ACOXL: variants seen among roughly 807,000 people sequenced by gnomAD.
ACOXL encodes acyl-coenzyme A oxidase-like protein.
A neutral mutation model predicts 71.9 loss-of-function variants in ACOXL; 70 were observed. That is an observed-to-expected ratio of 0.97 (90% confidence interval 0.80 to 1.19). ACOXL has a LOEUF of 1.19. Ranked by LOEUF, ACOXL falls within the 50% of genes most tolerant of loss-of-function variation. The pLI, the probability that ACOXL is intolerant of heterozygous loss-of-function variation, is 0.00. For synonymous variants in ACOXL, 253 were observed against 281.6 expected (o/e 0.90, Z 1.02); for missense variants, 703 against 736.3 (o/e 0.95, Z 0.52).
chr2:110,857,709 T>C (rs1335940213), intron 10 of ACOXL, among the ~76,000 whole-genome samples: 1 of 152,116 alleles, frequency 6.6e-6, no homozygotes, highest in African/African-American at 2.4e-5. Context: ...ATTTTTAACA[T>C]AGTTTTTGTT....
At chr2:110,845,519 C>T (rs1290835629) in intron 10 of ACOXL, among the ~76,000 whole-genome samples, 1 of 152,202 alleles carries the variant, frequency 6.6e-6, no homozygotes, top group Non-Finnish European at 1.5e-5. Context: ...ATCAACACCA[C>T]TGTCCATCTC....
At chr2:110,807,450 T>C (rs1203795132) in intron 9 of ACOXL, among the ~76,000 whole-genome samples, 2 of 152,210 alleles carry the variant, frequency 1.3e-5, no homozygotes, top group Non-Finnish European at 2.9e-5. Context: ...GACATGGGCA[T>C]TCCCATGAAA....
intron 11 of ACOXL, among the ~76,000 whole-genome samples, chr2:110,915,778 A>G (rs1342631161): frequency 6.6e-6 from 1 of 151,968 alleles, no homozygotes; most frequent in Non-Finnish European, 1.5e-5. Context: ...TGTTTTGATA[A>G]GGATTTTTTG....
At chr2:111,067,454 A>G (rs2067128245) in intron 16 of ACOXL, among the ~76,000 whole-genome samples, 1 of 152,196 alleles carries the variant, frequency 6.6e-6, no homozygotes, top group Non-Finnish European at 1.5e-5. Flanking sequence ...AGTAGGTTGG[A>G]TTTTTTAAAG....
At chr2:111,009,251 C>T (rs1253862101) in intron 14 of ACOXL, among the ~76,000 whole-genome samples, 4 of 152,026 alleles carry the variant, frequency 2.6e-5, no homozygotes, top group African/African-American at 7.2e-5. Context: ...TGGTGGCTCA[C>T]GTCTGTAATC....
intron 11 of ACOXL, 68 bp downstream of exon 11, chr2:110,908,973 A>C: frequency 8.7e-7 from 1 of 1,150,252 alleles, no homozygotes; most frequent in Admixed American, 2.2e-5. Context: ...AAGAATTCAG[A>C]GCAGCAGGCA....
At chr2:110,769,840 T>A (rs1681650202) in intron 2 of ACOXL, among the ~76,000 whole-genome samples, 1 of 147,234 alleles carries the variant, frequency 6.8e-6, no homozygotes, top group Non-Finnish European at 1.5e-5. Flanking sequence ...TCTCAAAAAA[T>A]AAAATAAAAT....
intron 12 of ACOXL, among the ~76,000 whole-genome samples, chr2:110,981,800 T>C (rs2062717527): frequency 6.6e-6 from 1 of 152,206 alleles, no homozygotes; most frequent in African/African-American, 2.4e-5. Flanking sequence ...GTGCATAGGC[T>C]GATCTCTCTA....
Position 110,987,101 on chromosome 2 carries a change from T to G in ACOXL, c.1060-7T>G, listed in dbSNP as rs1341829579. 1 of 1,560,694 alleles carries G rather than the reference T, an allele frequency of 6.4e-7. No homozygotes were observed. Among genetic ancestry groups the G allele is most frequent in the Non-Finnish European group, 8.7e-7 (1 of 1,150,210 alleles). ...TGAGACTGATGAGCGATAAACTCTT[T>G]GCACAGGTTGTGGGGCGGGAACTGC... On this transcript the variant is annotated splice_polypyrimidine_tract_variant and splice_region_variant and intron_variant, in intron 12 of 17. Coordinates refer to ENST00000439055, the MANE Select transcript of ACOXL (RefSeq NM_001142807.4).
intron 1 of ACOXL, among the ~76,000 whole-genome samples, chr2:110,741,440 T>C (rs930517493): frequency 6.6e-6 from 1 of 152,276 alleles, no homozygotes; most frequent in Non-Finnish European, 1.5e-5. Context: ...CTTCAAATTT[T>C]AGAAGGACAC....
chr2:110,923,844 G>A (rs987372465), intron 11 of ACOXL, among the ~76,000 whole-genome samples: 1 of 151,966 alleles, frequency 6.6e-6, no homozygotes, highest in Non-Finnish European at 1.5e-5. Context: ...GCTGAGGCAG[G>A]AGAATTGCTT....
At chr2:110,732,919 G>A (rs2104608569) in intron 1 of ACOXL, 145 bp downstream of exon 1, 1 of 152,376 alleles carries the variant, frequency 6.6e-6, no homozygotes, top group Non-Finnish European at 1.5e-5. Flanking sequence ...TCCCTGCCTC[G>A]CCGCAGGTGA....
intron 14 of ACOXL, among the ~76,000 whole-genome samples, chr2:110,997,346 G>A (rs201695720): frequency 6.6e-6 from 1 of 151,534 alleles, no homozygotes; most frequent in African/African-American, 2.4e-5. Flanking sequence ...TATGCTAACG[G>A]AAAAAAAAGA....
intron 9 of ACOXL, among the ~76,000 whole-genome samples, chr2:110,839,527 T>C (rs1487973250): frequency 6.6e-6 from 1 of 152,220 alleles, no homozygotes; most frequent in Non-Finnish European, 1.5e-5. Flanking sequence ...GTGATTGTGA[T>C]GTGCAATCAA....
intron 14 of ACOXL, among the ~76,000 whole-genome samples, chr2:111,022,317 A>G (rs1382088748): frequency 1.3e-5 from 2 of 152,118 alleles, no homozygotes; most frequent in East Asian, 1.9e-4. Context: ...GTGAGCCGAG[A>G]TCGTTCCACT....
chr2:110,749,168 A>G (rs1678607117), intron 1 of ACOXL, among the ~76,000 whole-genome samples: 1 of 152,190 alleles, frequency 6.6e-6, no homozygotes, highest in Non-Finnish European at 1.5e-5. Flanking sequence ...ATCAAAATTG[A>G]TTTTTGATTT....
chr2:110,921,142 C>T (rs544293690), intron 11 of ACOXL, among the ~76,000 whole-genome samples: 15 of 152,120 alleles, frequency 9.9e-5, no homozygotes, highest in Admixed American at 2.0e-4. Context: ...GGGATCAGTG[C>T]GATTTCTCCC....
intron 10 of ACOXL, among the ~76,000 whole-genome samples, chr2:110,872,454 G>T (rs1156317368): frequency 6.6e-6 from 1 of 152,230 alleles, no homozygotes; most frequent in Non-Finnish European, 1.5e-5. Context: ...AACCAGGAGA[G>T]CCTCCTTATG....
chr2:110,908,864 G>A lies in ACOXL; in HGVS notation c.864G>A (p.Met288Ile). The A allele has an allele frequency of 1.2e-6, 2 of 1,614,070 alleles. No homozygotes were observed. The highest frequency in any genetic ancestry group is 1.1e-5 in the South Asian group (1 of 91,052). ...IEHQTQTLRLMPHLATALALT... is the reference protein window; with the variant it reads ...IEHQTQTLRLIPHLATALALT... ...ACCAAACACAGACCCTGCGGCTGAT[G>A]CCCCACCTGGCCACAGCCTTGGCCC... is the stretch of plus-strand genomic sequence containing the variant. The change falls in exon 11 of 18, where the codon ATG becomes ATA. Residue 288 changes from methionine (M) to isoleucine (I), a missense_variant. Coordinates refer to ENST00000439055, the MANE Select transcript of ACOXL (RefSeq NM_001142807.4).
Sources: gnomAD v4.1 joint callset for allele counts (sites outside exome capture counted in the v4.1 genomes callset) on GRCh38, gnomAD v4.1.1 for gene constraint, MANE v1.5 for transcripts, NCBI Gene and HGNC (gene_info 2026-07-23, HGNC 2026-07-21) for gene names.